The following KCNQ5 variants were observed in gnomAD, a reference collection of about 807,000 sequenced individuals.
The protein encoded by KCNQ5 is potassium voltage-gated channel subfamily Q member 5.
A neutral mutation model predicts 98.2 loss-of-function variants in KCNQ5; 30 were observed. The observed-to-expected ratio is 0.31, with a 90% CI of 0.23 to 0.41. The LOEUF (loss-of-function observed/expected upper bound fraction) is 0.41. Ranked by LOEUF, KCNQ5 falls within the 10% of genes least tolerant of loss-of-function variation. The pLI is 1.00. For synonymous variants in KCNQ5, 458 were observed against 449.4 expected (o/e 1.02, Z -0.24); for missense variants, 835 against 1,182.5 (o/e 0.71, Z 4.31).
chr6:72,680,719 TC>T (rs1323444337), intron 1 of KCNQ5, among the ~76,000 whole-genome samples: 2 of 152,050 alleles, frequency 1.3e-5, no homozygotes, highest in African/African-American at 4.8e-5. Flanking sequence ...TGTCTAGAAC[TC>T]CCCCCAAAAT....
At chr6:72,698,262 G>T (rs1191896787) in intron 1 of KCNQ5, among the ~76,000 whole-genome samples, 9 of 152,060 alleles carry the variant, frequency 5.9e-5, no homozygotes, top group Non-Finnish European at 1.0e-4. Context: ...GAGTGCAATG[G>T]CGTGATCTTG....
At chr6:73,001,955 A>T (rs1041886796) in intron 1 of KCNQ5, among the ~76,000 whole-genome samples, 38 of 151,184 alleles carry the variant, frequency 2.5e-4, no homozygotes, top group African/African-American at 9.3e-4. Flanking sequence ...CCCTGTCTCT[A>T]CAAAAAATTT....
chr6:72,675,906 G>A (rs1400851659), intron 1 of KCNQ5, among the ~76,000 whole-genome samples: 1 of 152,160 alleles, frequency 6.6e-6, no homozygotes, highest in East Asian at 1.9e-4. Context: ...TTTTAACCTA[G>A]TTTACTAGAC....
chr6:72,959,280 A>G (rs972693343), intron 1 of KCNQ5, among the ~76,000 whole-genome samples: 2 of 152,142 alleles, frequency 1.3e-5, no homozygotes, highest in Non-Finnish European at 2.9e-5. Flanking sequence ...TTGGGCTCTC[A>G]TTTTTGCTGT....
At chr6:72,655,164 A>C (rs1766118174) in intron 1 of KCNQ5, among the ~76,000 whole-genome samples, 1 of 145,514 alleles carries the variant, frequency 6.9e-6, no homozygotes. Flanking sequence ...AGCTATGTGC[A>C]AACAAAATGG....
At chr6:72,727,690 C>A (rs1770357296) in intron 1 of KCNQ5, among the ~76,000 whole-genome samples, 1 of 152,126 alleles carries the variant, frequency 6.6e-6, no homozygotes, top group Admixed American at 6.5e-5. Context: ...AATATATTAC[C>A]TAAACCTGAG....
intron 10 of KCNQ5, among the ~76,000 whole-genome samples, chr6:73,137,413 C>A (rs1776516431): frequency 6.6e-6 from 1 of 152,124 alleles, no homozygotes; most frequent in South Asian, 2.1e-4. Flanking sequence ...TGTTATCATA[C>A]CAAATTTATT....
chr6:73,178,590 C>A (rs1582494259), intron 11 of KCNQ5, among the ~76,000 whole-genome samples: 1 of 151,564 alleles, frequency 6.6e-6, no homozygotes, highest in African/African-American at 2.4e-5. Context: ...ATCTGCTTGC[C>A]CCTACAGTGA....
At chr6:73,055,383 A>G (rs1446901583) in intron 3 of KCNQ5, 4 of 1,490,978 alleles carry the variant, frequency 2.7e-6, no homozygotes, top group African/African-American at 1.4e-5. Context: ...GCCGGTCTCA[A>G]TAAAGCAGAA....
Position 72,897,504 on chromosome 6 carries a change from C to T in KCNQ5, c.399-106404C>T, listed in dbSNP as rs115572920. Among the ~76,000 whole-genome samples, 1,188 of 152,048 alleles carry T rather than the reference C, an allele frequency of 7.8e-3. 18 individuals are homozygous for T. The highest frequency in any genetic ancestry group is 0.027 in the African/African-American group (1,124 of 41,442). On this transcript the variant is annotated intron_variant, in intron 1 of 13. Transcript: ENST00000370398. ...TTGCGGGGAGCCGAGATTGTACCAC[C>T]GCATTCCAGCATGGGCAACAGAGTC... is the stretch of plus-strand genomic sequence containing the variant.
chr6:72,742,015 C>T (rs1051539497), intron 1 of KCNQ5, among the ~76,000 whole-genome samples: 8 of 152,204 alleles, frequency 5.3e-5, no homozygotes, highest in Non-Finnish European at 1.2e-4. Context: ...CCGCTTCATG[C>T]TCTGCCATTG....
intron 1 of KCNQ5, among the ~76,000 whole-genome samples, chr6:72,627,718 T>C (rs1204782106): frequency 6.6e-6 from 1 of 152,198 alleles, no homozygotes; most frequent in African/African-American, 2.4e-5. Context: ...GACTACTATA[T>C]AGCTACTCCC....
intron 1 of KCNQ5, among the ~76,000 whole-genome samples, chr6:72,799,098 G>A (rs1399440465): frequency 2.6e-5 from 4 of 152,194 alleles, no homozygotes; most frequent in South Asian, 2.1e-4. Flanking sequence ...GACAGAGAGA[G>A]AAGAGAGACA....
chr6:72,920,416 T>C (rs1231614132), intron 1 of KCNQ5, among the ~76,000 whole-genome samples: 1 of 152,180 alleles, frequency 6.6e-6, no homozygotes. Context: ...CCTTTAAAAA[T>C]AGTAGAGTAT....
intron 3 of KCNQ5, among the ~76,000 whole-genome samples, chr6:73,069,249 A>G (rs1289347315): frequency 1.3e-5 from 2 of 152,056 alleles, no homozygotes; most frequent in African/African-American, 2.4e-5. Flanking sequence ...GTTCATCATC[A>G]TATATGTTGC....
chr6:72,814,777 A>C (rs1337670722), intron 1 of KCNQ5, among the ~76,000 whole-genome samples: 1 of 152,228 alleles, frequency 6.6e-6, no homozygotes, highest in Non-Finnish European at 1.5e-5. Context: ...TCCAGGCCAC[A>C]GTGACATAAG....
intron 1 of KCNQ5, among the ~76,000 whole-genome samples, chr6:72,623,246 T>C (rs1343741054): frequency 6.6e-6 from 1 of 151,900 alleles, no homozygotes; most frequent in Non-Finnish European, 1.5e-5. Context: ...GAAGCAACGC[T>C]CCCGCGCTGC....
rs565730770 is a variant in KCNQ5, at chr6:73,025,000, C to T, written c.490-16936C>T. On this transcript the variant is annotated intron_variant, in intron 2 of 13. Transcript: ENST00000370398. ...ACACTCAACATTTGATTGAGAGGCA[C>T]GGGAAGATAGGTATTATGTCCCTAA... is the stretch of plus-strand genomic sequence containing the variant. 8.5e-5 allele frequency among the ~76,000 whole-genome samples: 13 copies of T among 152,276 alleles called. 2 individuals carry two copies. The highest frequency in any genetic ancestry group is 5.9e-4 in the Admixed American group (9 of 15,302).
chr6:72,798,378 A>T (rs1774453286), intron 1 of KCNQ5, among the ~76,000 whole-genome samples: 2 of 152,326 alleles, frequency 1.3e-5, no homozygotes, highest in South Asian at 4.1e-4. Flanking sequence ...TGATTCAGTC[A>T]TGAAGGCTCT....
Sources: gnomAD v4.1 joint callset for allele counts (sites outside exome capture counted in the v4.1 genomes callset) on GRCh38, gnomAD v4.1.1 for gene constraint, MANE v1.5 for transcripts, NCBI Gene and HGNC (gene_info 2026-07-23, HGNC 2026-07-21) for gene names.